The following TOX2 variants were observed in gnomAD, a reference collection of about 807,000 sequenced individuals.
The protein encoded by TOX2 is TOX high mobility group box family member 2.
In TOX2, 15 loss-of-function variants were observed where a neutral mutation model predicts 47.4. That is an observed-to-expected ratio of 0.32 (90% CI 0.21 to 0.49). TOX2 has a LOEUF of 0.49. Ranked by LOEUF, TOX2 falls within the 20% of genes least tolerant of loss-of-function variation. The probability of loss-of-function intolerance (pLI) is 0.99; values close to 1 mark genes in which losing one functional copy is unlikely to be tolerated. For missense variants in TOX2, 622 were observed against 673.1 expected, an observed-to-expected ratio of 0.92 and a Z score of 0.84; for synonymous variants, 290 against 296.6, an observed-to-expected ratio of 0.98 and a Z score of 0.23.
chr20:44,003,548 C>A (rs1484423538), intron 2 of TOX2, among the ~76,000 whole-genome samples: 1 of 152,094 alleles, frequency 6.6e-6, no homozygotes, highest in Non-Finnish European at 1.5e-5. Flanking sequence ...ATATAGGGAG[C>A]AAAACTCATG....
chr20:44,043,790 A>C (rs566415336), intron 3 of TOX2, among the ~76,000 whole-genome samples: 1 of 152,358 alleles, frequency 6.6e-6, no homozygotes, highest in East Asian at 1.9e-4. Context: ...AAATTTATTT[A>C]AGTCGTGATT....
intron 1 of TOX2, among the ~76,000 whole-genome samples, chr20:43,955,447 G>T (rs1446053196): frequency 6.6e-6 from 1 of 152,228 alleles, no homozygotes; most frequent in Non-Finnish European, 1.5e-5. Flanking sequence ...AGGGGCAGGG[G>T]TTAAAGCTTA....
At chr20:43,952,513 C>T (rs1336381521) in intron 1 of TOX2, among the ~76,000 whole-genome samples, 1 of 152,202 alleles carries the variant, frequency 6.6e-6, no homozygotes, top group Non-Finnish European at 1.5e-5. Flanking sequence ...GGTCAAGTCT[C>T]GACCATCTGG....
intron 4 of TOX2, 126 bp from the exon 5 acceptor site, chr20:44,054,173 C>T (rs780391475): frequency 8.7e-5 from 83 of 949,544 alleles, no homozygotes; most frequent in Admixed American, 1.3e-4. Flanking sequence ...CCCCCTCCAT[C>T]GCGCGAGTGG....
rs150927312 is a variant in TOX2 at position 43,959,604 on chromosome 20, T to A, written c.100-13763T>A. ...TTCCCTTCCGACAACACGAGCCTTT[T>A]GTGGCATGATTGAGGGCTTGTTTTG... On this transcript the variant is annotated intron_variant, in intron 1 of 8. Transcript: ENST00000341197. Among the ~76,000 whole-genome samples the A allele has an allele frequency of 1.5e-3, 236 of 152,348 alleles. 1 individual carries two copies. Among genetic ancestry groups the A allele is most frequent in the African/African-American group, 5.5e-3 (230 of 41,564 alleles).
chr20:43,997,610 C>T (rs1230361908), intron 2 of TOX2, among the ~76,000 whole-genome samples: 1 of 151,998 alleles, frequency 6.6e-6, no homozygotes, highest in Non-Finnish European at 1.5e-5. Flanking sequence ...ACAATCTCTT[C>T]CTTGTATTTC....
At chr20:43,946,007 A>G (rs2145364309) in intron 1 of TOX2, 2 of 1,614,086 alleles carry the variant, frequency 1.2e-6, no homozygotes, top group South Asian at 1.1e-5. Context: ...CTTGCAAGAC[A>G]CTGGTGCATT....
At chr20:43,990,265 G>C (rs1435352134) in intron 2 of TOX2, among the ~76,000 whole-genome samples, 2 of 152,188 alleles carry the variant, frequency 1.3e-5, no homozygotes, top group Non-Finnish European at 2.9e-5. Context: ...ATGTGACTAT[G>C]GGGGCTGAGC....
chr20:43,965,109 C>A (rs970256015), intron 1 of TOX2, among the ~76,000 whole-genome samples: 1 of 152,178 alleles, frequency 6.6e-6, no homozygotes, highest in Non-Finnish European at 1.5e-5. Context: ...AGAGGCTGAT[C>A]TTTTCAGGGT....
intron 3 of TOX2, among the ~76,000 whole-genome samples, chr20:44,024,211 G>A (rs140749945): frequency 1.2e-3 from 188 of 152,126 alleles, no homozygotes; most frequent in African/African-American, 4.3e-3. Context: ...TATGGTCTTC[G>A]TATCTATAAT....
At chr20:43,925,665 G>A (rs73908115) in intron 1 of TOX2, among the ~76,000 whole-genome samples, 3,583 of 152,304 alleles carry the variant, frequency 0.024, 142 homozygotes, top group African/African-American at 0.082. Flanking sequence ...GTTAGGTGTT[G>A]GGTGCCGGTT....
chr20:44,065,795 C>T lies in TOX2; in HGVS notation c.1044C>T (p.Ala348=), dbSNP rs1409050421. 10 of 1,613,516 alleles carry T rather than the reference C, an allele frequency of 6.2e-6. No individual in the cohort carries two copies. Among genetic ancestry groups the T allele is most frequent in the Non-Finnish European group, 8.5e-6 (10 of 1,179,600 alleles). ...KMLPPKQPMY[A]MPGLASFLTP... Reference sequence around the variant, plus strand: ...TCCCACCCAAGCAGCCCATGTATGCCATGCCAGGCCTGGCCTCCTTCCTGA... The same window carrying T: ...TCCCACCCAAGCAGCCCATGTATGCTATGCCAGGCCTGGCCTCCTTCCTGA... Residue 348 remains alanine (A), a synonymous_variant, in exon 7 of 9, where the codon GCC becomes GCT. Transcript: ENST00000341197.
intron 3 of TOX2, among the ~76,000 whole-genome samples, chr20:44,045,811 A>G (rs2071401902): frequency 6.6e-6 from 1 of 152,232 alleles, no homozygotes; most frequent in African/African-American, 2.4e-5. Flanking sequence ...TAAATCACCA[A>G]GTCAGGAATA....
At chr20:43,965,968 G>A (rs902012211) in intron 1 of TOX2, among the ~76,000 whole-genome samples, 19 of 152,324 alleles carry the variant, frequency 1.2e-4, no homozygotes, top group Admixed American at 8.5e-4. Flanking sequence ...TAGACTGAGG[G>A]AGATGGGGGC....
intron 1 of TOX2, among the ~76,000 whole-genome samples, chr20:43,947,775 G>A (rs2069497174): frequency 6.6e-6 from 1 of 152,174 alleles, no homozygotes. Context: ...GCACTGTGTT[G>A]GTGGGGCCCT....
intron 1 of TOX2, among the ~76,000 whole-genome samples, chr20:43,955,983 G>A (rs563975244): frequency 6.6e-6 from 1 of 152,126 alleles, no homozygotes; most frequent in South Asian, 2.1e-4. Flanking sequence ...GGCCCTGCTT[G>A]CCTTTCTGTC....
At chr20:44,060,174 A>G (rs1257208279) in intron 5 of TOX2, among the ~76,000 whole-genome samples, 1 of 152,354 alleles carries the variant, frequency 6.6e-6, no homozygotes, top group East Asian at 1.9e-4. Context: ...ACATTATATA[A>G]TAAAACTAGT....
intron 3 of TOX2, among the ~76,000 whole-genome samples, chr20:44,025,836 C>G (rs1005883068): frequency 6.6e-6 from 1 of 151,862 alleles, no homozygotes; most frequent in Non-Finnish European, 1.5e-5. Flanking sequence ...CCCTTTCAGC[C>G]TCAGCTTTCT....
At position 43,916,983 on chromosome 20, in the gene TOX2, C is replaced by T. The variant is rs1396320600; in HGVS notation, c.99+1993C>T. Among the ~76,000 whole-genome samples, 1 of 151,006 alleles carries T rather than the reference C, an allele frequency of 6.6e-6. No homozygotes were observed. The highest frequency in any genetic ancestry group is 1.5e-5 in the Non-Finnish European group (1 of 67,798). On this transcript the variant is annotated intron_variant, in intron 1 of 8. Coordinates refer to ENST00000341197, the MANE Select transcript of TOX2 (RefSeq NM_001098797.2). The surrounding 1 kb of genome is among the most constrained non-coding windows in gnomAD (Gnocchi z 5.0). ...GCCCGTCAGGGAGGGAATGAGAAGC[C>T]GGCGATTCTGGTTTCTTTCTGTGTG...
Sources: allele counts gnomAD v4.1 joint callset (sites outside exome capture counted in the v4.1 genomes callset), GRCh38; gene constraint gnomAD v4.1.1; non-coding constraint Gnocchi (gnomAD v3.1); transcripts MANE v1.5; gene names NCBI Gene and HGNC (gene_info 2026-07-23, HGNC 2026-07-21).